The following DCAF8L2 variants were observed in gnomAD, a reference collection of about 807,000 sequenced individuals.
DCAF8L2 encodes DDB1- and CUL4-associated factor 8-like protein 2.
For missense variants in DCAF8L2, 430 were observed against 490.7 expected (o/e 0.88, Z 1.17); for synonymous variants, 200 against 190.9 (o/e 1.05, Z -0.39).
intron 1 of DCAF8L2, among the ~76,000 whole-genome samples, chrX:27,600,210 A>G (rs1055250660): frequency 4.5e-5 from 5 of 112,062 alleles, no homozygotes; most frequent in African/African-American, 6.5e-5. Flanking sequence ...GTGTGTGTGT[A>G]TCAGAATAAA....
the DCAF8L2 span, among the ~76,000 whole-genome samples, chrX:27,493,417 C>G: frequency 9.1e-6 from 1 of 110,143 alleles, no homozygotes; most frequent in African/African-American, 3.3e-5. Flanking sequence ...GCATAGAGAA[C>G]CCTACATTCT....
rs190824343 is a variant in DCAF8L2, at chrX:27,668,165, C to T, written c.-219-9671C>T. The stretch of plus-strand genomic sequence containing the variant: ...ATTGCTGGGCATGGGGAAAAAGTAT[C>T]TCTACCAGGGACAAATAGCCTATAG... On this transcript the variant is annotated intron_variant, in intron 2 of 4. Coordinates refer to ENST00000451261, the MANE Select transcript of DCAF8L2 (RefSeq NM_001353450.2). 1.3e-4 allele frequency among the ~76,000 whole-genome samples: 14 copies of T among 111,793 alleles called. No homozygotes were observed. The Admixed American group carries it at 1.3e-3, about 11-fold the overall frequency.
At chrX:27,530,879 G>A in the DCAF8L2 span, among the ~76,000 whole-genome samples, 1 of 111,905 alleles carries the variant, frequency 8.9e-6, no homozygotes, top group Admixed American at 9.5e-5. Flanking sequence ...TCCCTGCAGA[G>A]GTGATCATGA....
At chrX:27,699,613 C>T (rs746338174) in intron 3 of DCAF8L2, among the ~76,000 whole-genome samples, 4 of 111,479 alleles carry the variant, frequency 3.6e-5, no homozygotes, top group Admixed American at 1.9e-4. Flanking sequence ...ATGTCTCAAG[C>T]GAAGTGGTAG....
intron 1 of DCAF8L2, among the ~76,000 whole-genome samples, chrX:27,611,564 G>C (rs75763098): frequency 6.4e-5 from 7 of 109,628 alleles, no homozygotes; most frequent in African/African-American, 2.0e-4. Context: ...ATTTACATTA[G>C]GTATTTCTCC....
the DCAF8L2 span, among the ~76,000 whole-genome samples, chrX:27,517,121 C>T: frequency 7.8e-3 from 867 of 111,384 alleles, 7 homozygotes; most frequent in Non-Finnish European, 0.013. Context: ...TGTCAAATAT[C>T]CAATTAGGTA....
At chrX:27,519,015 C>T in the DCAF8L2 span, 1 of 872,369 alleles carries the variant, frequency 1.1e-6, no homozygotes, top group Non-Finnish European at 1.7e-6. Flanking sequence ...GTATGGGAAA[C>T]CATGAACTAT....
At chrX:27,742,999 G>A (rs1168106755) in intron 4 of DCAF8L2, among the ~76,000 whole-genome samples, 1 of 112,122 alleles carries the variant, frequency 8.9e-6, no homozygotes, top group Admixed American at 9.4e-5. Context: ...CTACCTTTTG[G>A]CTTATAGCTA....
chrX:27,655,253 G>A (rs1166650431), intron 2 of DCAF8L2, among the ~76,000 whole-genome samples: 1 of 112,186 alleles, frequency 8.9e-6, no homozygotes, highest in Non-Finnish European at 1.9e-5. Flanking sequence ...AGAGATACTA[G>A]GAGTACTGTT....
At chrX:27,723,972 G>C (rs2147302825) in intron 4 of DCAF8L2, among the ~76,000 whole-genome samples, 1 of 110,697 alleles carries the variant, frequency 9.0e-6, no homozygotes, top group African/African-American at 3.3e-5. Context: ...ATTGTTTGGT[G>C]TGCTACCTTT....
intron 1 of DCAF8L2, among the ~76,000 whole-genome samples, chrX:27,616,066 T>C (rs1264957679): frequency 9.0e-6 from 1 of 111,212 alleles, no homozygotes; most frequent in African/African-American, 3.3e-5. Context: ...ACTGAATACC[T>C]TGTCAATACT....
intron 1 of DCAF8L2, among the ~76,000 whole-genome samples, chrX:27,602,798 G>A (rs757655673): frequency 6.0e-4 from 67 of 111,185 alleles, no homozygotes; most frequent in Admixed American, 1.1e-3. Flanking sequence ...ATATAATTGC[G>A]TTCAAAGTGC....
intron 1 of DCAF8L2, among the ~76,000 whole-genome samples, chrX:27,625,089 C>G (rs992222634): frequency 1.8e-5 from 2 of 111,719 alleles, no homozygotes; most frequent in African/African-American, 6.5e-5. Context: ...AATTTGCAAA[C>G]TATGCGTCAA....
intron 1 of DCAF8L2, among the ~76,000 whole-genome samples, chrX:27,613,652 T>A (rs765542254): frequency 2.7e-5 from 3 of 111,826 alleles, no homozygotes; most frequent in Non-Finnish European, 5.6e-5. Flanking sequence ...TTGAGAGTTT[T>A]TAGCATGAAG....
intron 2 of DCAF8L2, among the ~76,000 whole-genome samples, chrX:27,661,293 T>A (rs1443002169): frequency 8.9e-6 from 1 of 112,146 alleles, no homozygotes; most frequent in African/African-American, 3.2e-5. Context: ...CTAATCCTGG[T>A]TGGCTGCTTC....
intron 2 of DCAF8L2, among the ~76,000 whole-genome samples, chrX:27,669,429 A>C (rs2147223083): frequency 9.2e-6 from 1 of 109,170 alleles, no homozygotes; most frequent in African/African-American, 3.4e-5. Context: ...TAGTCTAAAT[A>C]ACTTACCCAA....
chrX:27,492,351 A>G, the DCAF8L2 span, among the ~76,000 whole-genome samples: 3 of 112,331 alleles, frequency 2.7e-5, no homozygotes, highest in Admixed American at 9.4e-5. Flanking sequence ...TGACTATTAC[A>G]TATAATTCTT....
At chrX:27,530,537 A>G in the DCAF8L2 span, among the ~76,000 whole-genome samples, 6 of 111,058 alleles carry the variant, frequency 5.4e-5, no homozygotes, top group South Asian at 2.3e-3. Context: ...TGTAGTGGAG[A>G]TTACTGATCT....
the DCAF8L2 span, among the ~76,000 whole-genome samples, chrX:27,480,429 A>G: frequency 3.6e-5 from 4 of 111,767 alleles, no homozygotes; most frequent in African/African-American, 6.6e-5. Flanking sequence ...CTCCTTTGCT[A>G]TCTGGCTACT....
Sources: allele counts gnomAD v4.1 joint callset (sites outside exome capture counted in the v4.1 genomes callset), GRCh38; gene constraint gnomAD v4.1.1; transcripts MANE v1.5; gene names NCBI Gene and HGNC (gene_info 2026-07-23, HGNC 2026-07-21).